DNAJC27: variants seen among roughly 807,000 people sequenced by gnomAD.
DNAJC27 encodes the protein dnaJ homolog subfamily C member 27.
DNAJC27 carries 25 observed loss-of-function variants against 31.4 expected under a neutral mutation model. That is an observed-to-expected ratio of 0.80 (90% confidence interval 0.58 to 1.11). The LOEUF is 1.11. Ranked by LOEUF, DNAJC27 falls within the 50% of genes most tolerant of loss-of-function variation. The pLI is 0.00. For synonymous variants in DNAJC27, 106 were observed against 112.7 expected, an observed-to-expected ratio of 0.94 and a Z score of 0.37; for missense variants, 356 against 347.3, an observed-to-expected ratio of 1.02 and a Z score of -0.20.
At position 24,947,587 on chromosome 2, in the gene DNAJC27, G is replaced by A. The variant is rs756869075; in HGVS notation, c.*29C>T. The A allele has an allele frequency of 6.4e-7, 1 of 1,571,312 alleles. No individual in the cohort carries two copies. The highest frequency in any genetic ancestry group is 2.3e-5 in the East Asian group (1 of 44,130). On this transcript the variant is annotated 3_prime_UTR_variant, in exon 7 of 7. Coordinates refer to ENST00000264711, the MANE Select transcript of DNAJC27 (RefSeq NM_016544.3). ...CTAGGGAAAGTCTGTTTGCATTTGAGTCCCACATGTGGCTTTTTTCTGTAC... is the reference window on the plus strand; with the variant it reads ...CTAGGGAAAGTCTGTTTGCATTTGAATCCCACATGTGGCTTTTTTCTGTAC...
intron 5 of DNAJC27, 58 bp downstream of exon 5, chr2:24,956,985 C>G: frequency 1.9e-6 from 3 of 1,560,068 alleles, no homozygotes; most frequent in Non-Finnish European, 2.6e-6. Context: ...ATAATTTAAA[C>G]TGAAAATTGG....
intron 1 of DNAJC27, 112 bp from the exon 2 acceptor site, chr2:24,967,405 C>CA (rs1666216235): frequency 1.2e-6 from 1 of 864,146 alleles, no homozygotes; most frequent in Non-Finnish European, 1.8e-6. Flanking sequence ...AAAGCATTTT[C>CA]AAAAGACAAA....
chr2:24,958,861 G>A (rs769463524), intron 3 of DNAJC27, among the ~76,000 whole-genome samples: 13 of 152,280 alleles, frequency 8.5e-5, no homozygotes, highest in East Asian at 3.9e-4. Flanking sequence ...CAAAGTTCCA[G>A]AAAGAATCCT....
chr2:24,960,538 G>A (rs991655924), intron 3 of DNAJC27, among the ~76,000 whole-genome samples: 22 of 152,148 alleles, frequency 1.4e-4, no homozygotes, highest in African/African-American at 5.3e-4. Flanking sequence ...CCAAAAGCTG[G>A]GCCTTTTGTA....
chr2:24,946,977 T>G lies in DNAJC27; in HGVS notation c.*639A>C, dbSNP rs1665665505. On this transcript the variant is annotated 3_prime_UTR_variant, in exon 7 of 7. Coordinates refer to ENST00000264711, the MANE Select transcript of DNAJC27 (RefSeq NM_016544.3). The stretch of plus-strand genomic sequence containing the variant: ...TTGTGGCTGCCACCACCTTTTCTCT[T>G]AGGACTGGCTTGTCTCTCCCACTGG... 1 of 152,246 alleles carries G rather than the reference T, an allele frequency of 6.6e-6. No homozygotes were observed. The allele number at this position is 152,246 out of a possible 1,614,324, so 9.4% of individuals were successfully genotyped here.
At chr2:24,959,694 T>A (rs1245759093) in intron 3 of DNAJC27, among the ~76,000 whole-genome samples, 1 of 152,182 alleles carries the variant, frequency 6.6e-6, no homozygotes, top group African/African-American at 2.4e-5. Context: ...AGATACCTCT[T>A]TATCTTTAAT....
In DNAJC27 at chr2:24,947,480, T is replaced by G. The variant is rs1665674861; in HGVS notation, c.*136A>C. 7 of 1,077,536 alleles carry G rather than the reference T, an allele frequency of 6.5e-6. No individual in the cohort carries two copies. Among genetic ancestry groups the G allele is most frequent in the Non-Finnish European group, 9.3e-6 (7 of 753,090 alleles). The allele number at this position is 1,077,536 out of a possible 1,614,324, so 66.7% of individuals were successfully genotyped here. On this transcript the variant is annotated 3_prime_UTR_variant, in exon 7 of 7. Coordinates refer to ENST00000264711, the MANE Select transcript of DNAJC27 (RefSeq NM_016544.3). ...ATGTCTATGAAATGGGTACCTGAATTACTGATATACAAATGACAACACATG... is the reference window on the plus strand; with the variant it reads ...ATGTCTATGAAATGGGTACCTGAATGACTGATATACAAATGACAACACATG...
Position 24,957,144 on chromosome 2 carries a change from A to C in DNAJC27, c.427T>G (p.Cys143Gly), listed in dbSNP as rs1007215744. 1.2e-6 allele frequency: 2 copies of C among 1,604,480 alleles called. No individual in the cohort carries two copies. Among genetic ancestry groups the C allele is most frequent in the Non-Finnish European group, 1.7e-6 (2 of 1,177,266 alleles). ...ANKIDCTKHR[C>G]VDESEGRLWA... Reference sequence around the variant, plus strand: ...AGACGTCCTTCACTTTCATCTACACAGCGATGTTTGGTACAATCAATCTGA... The same window carrying C: ...AGACGTCCTTCACTTTCATCTACACCGCGATGTTTGGTACAATCAATCTGA... Residue 143 changes from cysteine (C) to glycine (G), a missense_variant, in exon 5 of 7, where the codon TGT becomes GGT. Physicochemically the swap from Cys to Gly is radical, Grantham distance 159. Transcript: ENST00000264711.
chr2:24,957,244 A>G, intron 4 of DNAJC27, 79 bp from the exon 5 acceptor site: 1 of 1,450,984 alleles, frequency 6.9e-7, no homozygotes, highest in Middle Eastern at 1.8e-4. Context: ...GGTCTCTGTC[A>G]ATCCTTTACT....
At chr2:24,950,805 C>A (rs1164829256) in intron 6 of DNAJC27, among the ~76,000 whole-genome samples, 1 of 151,980 alleles carries the variant, frequency 6.6e-6, no homozygotes, top group Admixed American at 6.6e-5. Flanking sequence ...TGAGATCACG[C>A]CACTGCACTC....
intron 5 of DNAJC27, among the ~76,000 whole-genome samples, chr2:24,955,672 A>T (rs1360986795): frequency 6.6e-6 from 1 of 152,222 alleles, no homozygotes; most frequent in Non-Finnish European, 1.5e-5. Flanking sequence ...TCTTGAAAGC[A>T]GCCAGGGGGT....
At position 24,954,889 on chromosome 2, in the gene DNAJC27, T is replaced by C. The variant is rs537787248; in HGVS notation, c.528+2154A>G. 6.6e-5 allele frequency among the ~76,000 whole-genome samples: 10 copies of C among 152,290 alleles called. No homozygotes were observed. The East Asian group carries it at 1.7e-3, about 26-fold the overall frequency. Reference sequence around the variant, plus strand: ...AGGCGGAGCTTGCCATGAGCCGAGATTGCGCCACTGCACTCCAGCCTGGGC... The same window carrying C: ...AGGCGGAGCTTGCCATGAGCCGAGACTGCGCCACTGCACTCCAGCCTGGGC... On this transcript the variant is annotated intron_variant, in intron 5 of 6. Coordinates refer to ENST00000264711, the MANE Select transcript of DNAJC27 (RefSeq NM_016544.3).
At chr2:24,955,898 G>GT (rs1665893561) in intron 5 of DNAJC27, among the ~76,000 whole-genome samples, 1 of 152,194 alleles carries the variant, frequency 6.6e-6, no homozygotes, top group Non-Finnish European at 1.5e-5. Context: ...CATTGTTGCT[G>GT]TAAGTCTCCA....
intron 2 of DNAJC27, among the ~76,000 whole-genome samples, chr2:24,966,451 T>C (rs1666183913): frequency 1.3e-5 from 2 of 152,070 alleles, no homozygotes; most frequent in Non-Finnish European, 2.9e-5. Context: ...ACTTTACTTT[T>C]CCCAATTCAT....
chr2:24,957,789 C>T (rs1665943283), intron 4 of DNAJC27, 21 bp downstream of exon 4: 1 of 1,609,566 alleles, frequency 6.2e-7, no homozygotes, highest in South Asian at 1.1e-5. Flanking sequence ...AATCTGAACA[C>T]ACCATTTCCA....
At chr2:24,965,893 A>G (rs1306056616) in intron 2 of DNAJC27, among the ~76,000 whole-genome samples, 9 of 152,150 alleles carry the variant, frequency 5.9e-5, no homozygotes, top group Admixed American at 4.6e-4. Context: ...CTAACAATAA[A>G]TATTTATTGA....
chr2:24,967,268 T>C lies in DNAJC27; in HGVS notation c.113A>G (p.Glu38Gly), dbSNP rs749460896. ...CAGGTATTTAGACACGAATCTTTTCTCACAGTATCGCTTTATAATACAGCT... is the reference window on the plus strand; with the variant it reads ...CAGGTATTTAGACACGAATCTTTTCCCACAGTATCGCTTTATAATACAGCT... The part of the protein sequence containing the change: ...GKSCIIKRYC[E>G]KRFVSKYLAT... Residue 38 changes from glutamate (E) to glycine (G), a missense_variant, in exon 2 of 7, where the codon GAG becomes GGG. By Grantham distance (98) the Glu-to-Gly change is moderately conservative. Coordinates refer to ENST00000264711, the MANE Select transcript of DNAJC27 (RefSeq NM_016544.3). 4.3e-5 allele frequency: 70 copies of C among 1,613,588 alleles called. No individual in the cohort carries two copies. The highest frequency in any genetic ancestry group is 2.0e-4 in the Admixed American group (12 of 60,004).
chr2:24,959,444 A>G (rs1052032331), intron 3 of DNAJC27, among the ~76,000 whole-genome samples: 2 of 152,180 alleles, frequency 1.3e-5, no homozygotes, highest in Non-Finnish European at 2.9e-5. Flanking sequence ...TTAGCACAAC[A>G]TTCTTCCAGC....
chr2:24,956,902 T>G, intron 5 of DNAJC27, 141 bp downstream of exon 5: 2 of 1,003,778 alleles, frequency 2.0e-6, no homozygotes, highest in South Asian at 1.8e-5. Context: ...CTTTCTCTAT[T>G]TCTATCTCAC....
Sources: gnomAD v4.1 joint callset for allele counts (sites outside exome capture counted in the v4.1 genomes callset) on GRCh38, gnomAD v4.1.1 for gene constraint, MANE v1.5 for transcripts, NCBI Gene and HGNC (gene_info 2026-07-23, HGNC 2026-07-21) for gene names.